The following DNAH8 variants were observed in gnomAD, a reference collection of about 807,000 sequenced individuals.
DNAH8 encodes axonemal beta dynein heavy chain 8.
DNAH8 carries 382 observed loss-of-function variants against 562.1 expected under a neutral mutation model. The observed-to-expected ratio is 0.68, with a 90% CI of 0.63 to 0.74. DNAH8 has a LOEUF of 0.74. Among genes scored for constraint, DNAH8 ranks in the 30% least tolerant of loss-of-function variants. The pLI is 0.00. For synonymous variants in DNAH8, 1,881 were observed against 1,919.4 expected (o/e 0.98, Z 0.52); for missense variants, 5,203 against 5,620.4 (o/e 0.93, Z 2.37).
chr6:38,835,590 C>T (rs547380024), intron 32 of DNAH8, among the ~76,000 whole-genome samples: 10 of 152,020 alleles, frequency 6.6e-5, no homozygotes, highest in East Asian at 1.9e-4. Context: ...CAGGGGAAGA[C>T]GGAGGGGAAA....
intron 22 of DNAH8, 145 bp downstream of exon 22, chr6:38,803,456 A>G (rs1334017745): frequency 3.5e-6 from 2 of 569,498 alleles, no homozygotes; most frequent in Non-Finnish European, 6.0e-6. Context: ...CATTGTTTGT[A>G]CCAACAGTTT....
intron 11 of DNAH8, among the ~76,000 whole-genome samples, chr6:38,766,648 A>G (rs1767029356): frequency 6.6e-6 from 1 of 152,076 alleles, no homozygotes; most frequent in African/African-American, 2.4e-5. Context: ...CATGTATTGT[A>G]TACTTGACAT....
At chr6:38,830,139 C>T (rs957773412) in intron 30 of DNAH8, among the ~76,000 whole-genome samples, 6 of 152,136 alleles carry the variant, frequency 3.9e-5, no homozygotes, top group African/African-American at 1.4e-4. Flanking sequence ...TCTATTCTCT[C>T]TACCATTTAT....
intron 88 of DNAH8, among the ~76,000 whole-genome samples, chr6:38,997,319 G>A (rs559758208): frequency 5.3e-5 from 8 of 152,298 alleles, no homozygotes; most frequent in African/African-American, 1.7e-4. Context: ...CCACCAGGAA[G>A]CAGTAAGCAA....
intron 31 of DNAH8, among the ~76,000 whole-genome samples, chr6:38,833,284 T>C (rs1774002674): frequency 6.6e-6 from 1 of 152,130 alleles, no homozygotes; most frequent in African/African-American, 2.4e-5. Flanking sequence ...GTTGATTTGC[T>C]GCCTCATTCT....
chr6:38,856,953 C>T (rs1018574114), intron 41 of DNAH8, among the ~76,000 whole-genome samples: 3 of 152,134 alleles, frequency 2.0e-5, no homozygotes, highest in Admixed American at 2.0e-4. Flanking sequence ...GTGACATCCT[C>T]TCACAGTTTC....
At position 38,828,164 on chromosome 6, in the gene DNAH8, A is replaced by G. The variant is rs1278602147; in HGVS notation, c.4084-20A>G. The G allele has an allele frequency of 1.3e-6, 2 of 1,509,966 alleles. No individual in the cohort carries two copies. Among genetic ancestry groups the G allele is most frequent in the Non-Finnish European group, 1.8e-6 (2 of 1,102,656 alleles). The allele number at this position is 1,509,966 out of a possible 1,614,324, so 93.5% of individuals were successfully genotyped here. A position where few individuals can be genotyped will look rare whatever the true frequency, so the allele number is the denominator to read the frequency against. On this transcript the variant is annotated intron_variant, in intron 29 of 92. Transcript: ENST00000327475. ...TGGCTTTCCCTTGTGATATTTCTAA[A>G]CTCCACCTTCATCCTGCAGGAAGCC...
intron 24 of DNAH8, among the ~76,000 whole-genome samples, chr6:38,809,396 C>T (rs1771592310): frequency 6.6e-6 from 1 of 152,124 alleles, no homozygotes. Context: ...TTTTAATTTA[C>T]ATGGTATTGA....
chr6:38,731,797 C>G (rs563957406), intron 4 of DNAH8, among the ~76,000 whole-genome samples: 32 of 152,324 alleles, frequency 2.1e-4, no homozygotes, highest in Non-Finnish European at 3.8e-4. Context: ...TCACTGCAGC[C>G]TCCGCCTCCC....
At chr6:38,802,300 A>T (rs376982222) in intron 21 of DNAH8, among the ~76,000 whole-genome samples, 3 of 151,538 alleles carry the variant, frequency 2.0e-5, no homozygotes, top group East Asian at 2.0e-4. Context: ...GCTGGAGTGC[A>T]GTGGCGCGAT....
intron 24 of DNAH8, among the ~76,000 whole-genome samples, chr6:38,813,809 G>C (rs1176848510): frequency 6.6e-6 from 1 of 152,176 alleles, no homozygotes; most frequent in Admixed American, 6.5e-5. Context: ...GGTTATTACT[G>C]AGAAAGAACA....
At chr6:39,012,411 G>A in intron 90 of DNAH8, 37 bp from the exon 91 acceptor site, 7 of 1,608,028 alleles carry the variant, frequency 4.4e-6, no homozygotes, top group Non-Finnish European at 6.0e-6. Context: ...CTTTGTTGAT[G>A]TTTCTTATTC....
At chr6:38,940,289 G>C (rs1186914575) in intron 79 of DNAH8, among the ~76,000 whole-genome samples, 2 of 152,090 alleles carry the variant, frequency 1.3e-5, no homozygotes, top group African/African-American at 4.8e-5. Context: ...TGGCAAAACC[G>C]ATGCATACAA....
chr6:38,876,455 T>C (rs1778005902), intron 53 of DNAH8, among the ~76,000 whole-genome samples: 1 of 152,172 alleles, frequency 6.6e-6, no homozygotes. Flanking sequence ...AGCAATAGTC[T>C]TTTGTTTGTT....
chr6:38,926,544 T>C (rs1421370158), intron 74 of DNAH8, among the ~76,000 whole-genome samples: 1 of 152,194 alleles, frequency 6.6e-6, no homozygotes, highest in Non-Finnish European at 1.5e-5. Flanking sequence ...AGACCATTCA[T>C]GCCAACCTTG....
rs1294275441 is a variant in DNAH8 at position 38,915,395 on chromosome 6, A to G, written c.10140+18A>G. 1 of 1,519,336 alleles carries G rather than the reference A, an allele frequency of 6.6e-7. No homozygotes were observed. Among genetic ancestry groups the G allele is most frequent in the South Asian group, 1.4e-5 (1 of 73,080 alleles). The allele number at this position is 1,519,336 out of a possible 1,614,324, so 94.1% of individuals were successfully genotyped here. A position where few individuals can be genotyped will look rare whatever the true frequency, so the allele number is the denominator to read the frequency against. On this transcript the variant is annotated intron_variant, in intron 68 of 92. Transcript: ENST00000327475. ...CCCTGAATGTGAGCAGTGCATTGTT[A>G]CCCCTTCCAACACAAGTCCTAGAAG...
intron 14 of DNAH8, among the ~76,000 whole-genome samples, chr6:38,778,823 T>A (rs912855373): frequency 2.0e-5 from 3 of 152,190 alleles, no homozygotes; most frequent in African/African-American, 7.2e-5. Flanking sequence ...GAAAGTGAGA[T>A]TATCTAAGAA....
At chr6:39,019,528 T>C (rs1461690461) in intron 91 of DNAH8, among the ~76,000 whole-genome samples, 1 of 152,146 alleles carries the variant, frequency 6.6e-6, no homozygotes, top group Non-Finnish European at 1.5e-5. Context: ...CATGGTGAAC[T>C]GTGGTGATGG....
chr6:38,791,512 A>G, intron 20 of DNAH8, 43 bp from the exon 21 acceptor site: 1 of 1,575,384 alleles, frequency 6.3e-7, no homozygotes, highest in South Asian at 1.2e-5. Context: ...CTAGCTCTAA[A>G]GGAAAGAAGA....
Sources: gnomAD v4.1 joint callset for allele counts (sites outside exome capture counted in the v4.1 genomes callset) on GRCh38, gnomAD v4.1.1 for gene constraint, MANE v1.5 for transcripts, NCBI Gene and HGNC (gene_info 2026-07-23, HGNC 2026-07-21) for gene names.